ANKRD36: variants seen among roughly 807,000 people sequenced by gnomAD.
ANKRD36 encodes the protein ankyrin repeat domain 36, also known as ankyrin repeat domain-containing protein 36A.
Under a neutral mutation model 278.1 loss-of-function variants are expected in ANKRD36, and 179 were observed. The ratio of observed to expected loss-of-function variants is 0.64; its 90% confidence interval spans 0.57 to 0.73. ANKRD36 has a LOEUF of 0.73. Ranked by LOEUF, ANKRD36 falls within the 30% of genes least tolerant of loss-of-function variation. The probability of loss-of-function intolerance (pLI) is 0.00; values close to 1 mark genes in which losing one functional copy is unlikely to be tolerated. For synonymous variants in ANKRD36, 320 were observed against 641.1 expected (o/e 0.50, Z 7.57); for missense variants, 1,159 against 1,956.7 (o/e 0.59, Z 7.69).
chr2:97,165,009 A>C (rs2050245745), intron 20 of ANKRD36, among the ~76,000 whole-genome samples: 1 of 152,132 alleles, frequency 6.6e-6, no homozygotes, highest in Non-Finnish European at 1.5e-5. Flanking sequence ...TGGTAGATAC[A>C]GTGTTTTAAA....
intron 6 of ANKRD36, among the ~76,000 whole-genome samples, chr2:97,139,344 C>G (rs2042297048): frequency 6.6e-6 from 1 of 151,848 alleles, no homozygotes; most frequent in Non-Finnish European, 1.5e-5. Context: ...CATTAAAAAC[C>G]TCTTACAACA....
At chr2:97,197,578 C>A (rs2060127384) in intron 42 of ANKRD36, among the ~76,000 whole-genome samples, 2 of 151,874 alleles carry the variant, frequency 1.3e-5, no homozygotes, top group South Asian at 2.1e-4. Flanking sequence ...TTTCATGAAA[C>A]TTCTTTAGCG....
intron 67 of ANKRD36, among the ~76,000 whole-genome samples, chr2:97,230,781 T>C (rs1387404439): frequency 1.3e-5 from 2 of 152,070 alleles, no homozygotes; most frequent in African/African-American, 2.4e-5. Flanking sequence ...TATCTACTTT[T>C]GGTCTTTGAT....
intron 4 of ANKRD36, among the ~76,000 whole-genome samples, chr2:97,123,356 T>C (rs1221540352): frequency 1.6e-5 from 2 of 126,944 alleles, no homozygotes; most frequent in African/African-American, 5.1e-5. Flanking sequence ...CTAAAGGGGT[T>C]TCATGTTAGT....
At chr2:97,138,486 T>C (rs934785462) in intron 6 of ANKRD36, among the ~76,000 whole-genome samples, 3 of 152,052 alleles carry the variant, frequency 2.0e-5, no homozygotes, top group African/African-American at 7.2e-5. Context: ...GAAGAATCAA[T>C]ATCTTGAAAA....
chr2:97,209,314 A>T (rs1275590171), intron 54 of ANKRD36, among the ~76,000 whole-genome samples: 1 of 146,572 alleles, frequency 6.8e-6, no homozygotes, highest in Non-Finnish European at 1.5e-5. Flanking sequence ...CATGAAAGAC[A>T]TATGGGATCA....
rs751765972 is a variant in ANKRD36, at chr2:97,118,213, A to G, written c.312+35A>G. 5 of 1,578,636 alleles carry G rather than the reference A, an allele frequency of 3.2e-6. No homozygotes were observed. The South Asian group carries it at 5.8e-5, about 18-fold the overall frequency. ...AGCTGACTCTTTGAGCATGAGATGG[A>G]TTTGGTTGAAGTACATAGGATAAAA... On this transcript the variant is annotated intron_variant, in intron 2 of 75. Coordinates refer to ENST00000420699, the MANE Select transcript of ANKRD36 (RefSeq NM_001354587.1).
chr2:97,232,828 A>G (rs901078715), intron 67 of ANKRD36, among the ~76,000 whole-genome samples: 10 of 152,026 alleles, frequency 6.6e-5, no homozygotes, highest in Non-Finnish European at 1.5e-4. Context: ...GTACAAAAGC[A>G]AGAAACCCAG....
intron 52 of ANKRD36, 50 bp downstream of exon 52, chr2:97,206,185 A>G: frequency 2.0e-6 from 3 of 1,476,788 alleles, no homozygotes; most frequent in African/African-American, 1.4e-5. Flanking sequence ...ATAGATAAGA[A>G]GTTCTCTTCC....
At chr2:97,115,101 G>C (rs1421868538) in intron 1 of ANKRD36, among the ~76,000 whole-genome samples, 4 of 152,060 alleles carry the variant, frequency 2.6e-5, no homozygotes, top group African/African-American at 9.7e-5. Context: ...GGTTTTTGCC[G>C]CAATTACAAG....
rs139035585 is a variant in ANKRD36, at chr2:97,206,209, C to T, written c.3163+74C>T. ...AAGTTCTCTTCCCCAAGTAAATCAG[C>T]GGGGGGCTCATCGAAGCTGCACTTT... On this transcript the variant is annotated intron_variant, in intron 52 of 75. Coordinates refer to ENST00000420699, the MANE Select transcript of ANKRD36 (RefSeq NM_001354587.1). 3.7e-4 allele frequency: 520 copies of T among 1,398,784 alleles called. 4 individuals carry two copies. In the African/African-American group the frequency reaches 5.5e-3, roughly 15 times the overall value. The allele number at this position is 1,398,784 out of a possible 1,614,324, so 86.6% of individuals were successfully genotyped here. A position where few individuals can be genotyped will look rare whatever the true frequency, so the allele number is the denominator to read the frequency against.
In ANKRD36 at chr2:97,124,493, A is replaced by G; in HGVS notation, c.627A>G (p.Glu209=). 2.6e-6 allele frequency: 4 copies of G among 1,551,290 alleles called. No individual in the cohort carries two copies. The highest frequency in any genetic ancestry group is 3.5e-6 in the Non-Finnish European group (4 of 1,146,650). The change falls in exon 5 of 76, where the codon GAA becomes GAG. Residue 209 remains glutamate, a synonymous_variant. Coordinates refer to ENST00000420699, the MANE Select transcript of ANKRD36 (RefSeq NM_001354587.1). ...TCATACATGCTGTTACTCTTGGAGA[A>G]AAAGATATAGTCATTCTTCTTCTGC... ...SALIHAVTLG[E]KDIVILLLQH...
chr2:97,228,866 C>T (rs1160520559), intron 67 of ANKRD36, among the ~76,000 whole-genome samples: 51 of 151,874 alleles, frequency 3.4e-4, no homozygotes, highest in Admixed American at 1.1e-3. Flanking sequence ...CAAAGAACAT[C>T]TTTATTTCTG....
chr2:97,164,029 A>C (rs1471517178), intron 18 of ANKRD36: 1 of 985,146 alleles, frequency 1.0e-6, no homozygotes, highest in Non-Finnish European at 1.2e-6. Flanking sequence ...TGTTACTTGT[A>C]GTCATGTGAA....
Position 97,124,314 on chromosome 2 carries a change from A to G in ANKRD36, c.594-146A>G, listed in dbSNP as rs1352731637. 2.7e-6 allele frequency: 3 copies of G among 1,110,046 alleles called. No individual in the cohort carries two copies. In the African/African-American group the frequency reaches 4.9e-5, roughly 18 times the overall value. The allele number at this position is 1,110,046 out of a possible 1,614,324, so 68.8% of individuals were successfully genotyped here. On this transcript the variant is annotated intron_variant, in intron 4 of 75. Transcript: ENST00000420699. ...CCTTTGTGGTAACTTGCAAAGATAA[A>G]CCCTTGAGCACCCAAGATGCTTGTT...
intron 44 of ANKRD36, among the ~76,000 whole-genome samples, chr2:97,199,029 C>G (rs1370722326): frequency 6.6e-6 from 1 of 151,908 alleles, no homozygotes; most frequent in African/African-American, 2.4e-5. Context: ...CAAGAAAAGA[C>G]AGAAAGCTTG....
At chr2:97,127,499 T>G (rs2153422764) in intron 6 of ANKRD36, among the ~76,000 whole-genome samples, 1 of 152,060 alleles carries the variant, frequency 6.6e-6, no homozygotes, top group East Asian at 1.9e-4. Context: ...AATAAATTCT[T>G]TGCAATTACT....
intron 69 of ANKRD36, among the ~76,000 whole-genome samples, chr2:97,242,461 G>T (rs1424436217): frequency 6.8e-6 from 1 of 146,452 alleles, no homozygotes; most frequent in Non-Finnish European, 1.5e-5. Flanking sequence ...TTAAATATTA[G>T]ATCTTGTGTT....
intron 66 of ANKRD36, among the ~76,000 whole-genome samples, chr2:97,223,122 A>G (rs1480981948): frequency 8.3e-6 from 1 of 120,416 alleles, no homozygotes; most frequent in Non-Finnish European, 1.6e-5. Flanking sequence ...TTTTTTTGAG[A>G]CAGAGTCTTG....
Sources: gnomAD v4.1 joint callset for allele counts (sites outside exome capture counted in the v4.1 genomes callset) on GRCh38, gnomAD v4.1.1 for gene constraint, MANE v1.5 for transcripts, NCBI Gene and HGNC (gene_info 2026-07-23, HGNC 2026-07-21) for gene names.